FAM177A1: variants seen among roughly 807,000 people sequenced by gnomAD.
The protein encoded by FAM177A1 is protein FAM177A1.
In FAM177A1, 22 loss-of-function variants were observed where a neutral mutation model predicts 26.1. The ratio of observed to expected loss-of-function variants is 0.84; its 90% confidence interval spans 0.60 to 1.20. The LOEUF is 1.20. Among genes scored for constraint, FAM177A1 ranks in the 50% most tolerant of loss-of-function variants. The probability of loss-of-function intolerance (pLI) is 0.00; values close to 1 mark genes in which losing one functional copy is unlikely to be tolerated. For missense variants in FAM177A1, 296 were observed against 291.1 expected (o/e 1.02, Z -0.12); for synonymous variants, 95 against 99.3 (o/e 0.96, Z 0.26).
At chr14:35,076,330 A>G (rs1348984948) in intron 2 of FAM177A1, among the ~76,000 whole-genome samples, 1 of 152,120 alleles carries the variant, frequency 6.6e-6, no homozygotes, top group African/African-American at 2.4e-5. Flanking sequence ...TTCTGAGGAA[A>G]CTATTGCAAG....
intron 2 of FAM177A1, among the ~76,000 whole-genome samples, chr14:35,068,319 C>T (rs1466981599): frequency 2.6e-5 from 4 of 152,218 alleles, no homozygotes; most frequent in African/African-American, 9.6e-5. Context: ...TTCTAATCAC[C>T]ATATCCTTTC....
At chr14:35,059,699 A>T (rs775088029) in intron 2 of FAM177A1, among the ~76,000 whole-genome samples, 6 of 151,368 alleles carry the variant, frequency 4.0e-5, no homozygotes, top group Admixed American at 1.3e-4. Flanking sequence ...ACGTCCTGCT[A>T]ATTTTTGTAT....
chr14:35,050,921 C>G (rs77772792), intron 1 of FAM177A1: 38,847 of 151,802 alleles, frequency 0.26, 5,169 homozygotes, highest in East Asian at 0.37. Context: ...ATTGGTGGGG[C>G]TTGGGGGTAG....
rs2045474094 is a variant in FAM177A1, at chr14:35,081,018, T to A, written c.505-4T>A. 1 of 1,599,324 alleles carries A rather than the reference T, an allele frequency of 6.3e-7. No homozygotes were observed. The highest frequency in any genetic ancestry group is 8.5e-7 in the Non-Finnish European group (1 of 1,173,282). ...CTATTCTTGATATTGCTCCTTTTTT[T>A]TAGGAAGAAGAAGAAGAAGAAGAAA... On this transcript the variant is annotated splice_polypyrimidine_tract_variant and splice_region_variant and intron_variant, in intron 4 of 4. Transcript: ENST00000280987.
At chr14:35,068,192 G>T (rs537305826) in intron 2 of FAM177A1, among the ~76,000 whole-genome samples, 17 of 152,284 alleles carry the variant, frequency 1.1e-4, no homozygotes, top group African/African-American at 3.8e-4. Flanking sequence ...TCCATCGGTG[G>T]CAGTAAATAG....
chr14:35,067,906 T>C (rs952949170), intron 2 of FAM177A1, among the ~76,000 whole-genome samples: 11 of 152,210 alleles, frequency 7.2e-5, no homozygotes, highest in African/African-American at 2.7e-4. Context: ...TTAAGTTCTT[T>C]ACATATTTTG....
rs2045436211 is a variant in FAM177A1 at position 35,078,871 on chromosome 14, A to G, written c.407-56A>G. 6.3e-6 allele frequency: 8 copies of G among 1,268,440 alleles called. No homozygotes were observed. In the East Asian group the frequency reaches 1.4e-4, roughly 22 times the overall value. 78.6% of individuals were successfully genotyped at this position (1,268,440 alleles called of 1,614,324 possible). A position where few individuals can be genotyped will look rare whatever the true frequency, so the allele number is the denominator to read the frequency against. On this transcript the variant is annotated intron_variant, in intron 3 of 4. Coordinates refer to ENST00000280987, the MANE Select transcript of FAM177A1 (RefSeq NM_173607.5). ...TTCCTACAGTGTCTTACACATAGAAAGTGCTCAAGAAATGTTTATAGAATT... is the reference window on the plus strand; with the variant it reads ...TTCCTACAGTGTCTTACACATAGAAGGTGCTCAAGAAATGTTTATAGAATT...
chr14:35,059,639 T>G (rs2045118917), intron 2 of FAM177A1, among the ~76,000 whole-genome samples: 1 of 150,884 alleles, frequency 6.6e-6, no homozygotes, highest in Non-Finnish European at 1.5e-5. Context: ...GGTTGGGTGA[T>G]TCTCCTGCCT....
intron 1 of FAM177A1, among the ~76,000 whole-genome samples, chr14:35,051,912 T>A (rs2044977864): frequency 6.6e-6 from 1 of 152,238 alleles, no homozygotes; most frequent in Non-Finnish European, 1.5e-5. Flanking sequence ...TAATCCTTTT[T>A]TTGCAATAGC....
intron 2 of FAM177A1, among the ~76,000 whole-genome samples, chr14:35,075,107 A>T (rs1399746793): frequency 6.6e-6 from 1 of 152,178 alleles, no homozygotes; most frequent in African/African-American, 2.4e-5. Flanking sequence ...TTTTCTTTGG[A>T]TAAACGTATT....
chr14:35,071,240 AC>A (rs1227462681), intron 2 of FAM177A1, among the ~76,000 whole-genome samples: 1 of 150,194 alleles, frequency 6.7e-6, no homozygotes, highest in Non-Finnish European at 1.5e-5. Context: ...CTCGTGATCC[AC>A]CCTCCTCGGC....
rs969625830 is a variant in FAM177A1 at position 35,061,662 on chromosome 14, T to A, written c.339+8211T>A. On this transcript the variant is annotated intron_variant, in intron 2 of 4. Coordinates refer to ENST00000280987, the MANE Select transcript of FAM177A1 (RefSeq NM_173607.5). ...CAGCATTAGGAGATATACCTAATGC[T>A]AAATGACAAGTTAATGGGTGCAGCA... Among the ~76,000 whole-genome samples, 26 of 148,830 alleles carry A rather than the reference T, an allele frequency of 1.7e-4. No individual in the cohort carries two copies. The South Asian group carries it at 1.8e-3, about 10-fold the overall frequency.
chr14:35,052,923 G>GA (rs1012025894), intron 1 of FAM177A1, among the ~76,000 whole-genome samples: 9 of 151,202 alleles, frequency 6.0e-5, no homozygotes, highest in Non-Finnish European at 1.0e-4. Context: ...CTGTCTGGGG[G>GA]AAAAAAAAAT....
At chr14:35,059,615 A>G (rs1480249715) in intron 2 of FAM177A1, among the ~76,000 whole-genome samples, 1 of 148,960 alleles carries the variant, frequency 6.7e-6, no homozygotes, top group Admixed American at 6.7e-5. Flanking sequence ...GCTCACTGCA[A>G]CCTCTGCCTC....
At chr14:35,051,438 A>T (rs1205438046) in intron 1 of FAM177A1, among the ~76,000 whole-genome samples, 2 of 151,904 alleles carry the variant, frequency 1.3e-5, no homozygotes, top group Admixed American at 6.6e-5. Context: ...TTTTTGAGAC[A>T]GTCTGGCTCT....
intron 1 of FAM177A1, 72 bp downstream of exon 1, chr14:35,046,700 T>C (rs1209626704): frequency 1.4e-6 from 2 of 1,467,692 alleles, no homozygotes; most frequent in Non-Finnish European, 1.8e-6. Flanking sequence ...GGCCGCTCTT[T>C]TAGCCTGCGC....
chr14:35,080,025 C>G (rs2045455079), intron 4 of FAM177A1, among the ~76,000 whole-genome samples: 1 of 141,592 alleles, frequency 7.1e-6, no homozygotes, highest in African/African-American at 2.6e-5. Flanking sequence ...ATTACCTCAT[C>G]TGGGCTATTA....
chr14:35,070,105 A>ACTCTGTC (rs2045295678), intron 2 of FAM177A1, among the ~76,000 whole-genome samples: 1 of 107,280 alleles, frequency 9.3e-6, no homozygotes, highest in Non-Finnish European at 1.8e-5. Context: ...ACAGAGTGAG[A>ACTCTGTC]CTCTGTCTCA....
rs2045491547 is a variant in FAM177A1, at chr14:35,081,992, T to G, written c.*764T>G. The G allele has an allele frequency of 6.6e-6, 1 of 152,168 alleles. No individual in the cohort carries two copies. Among genetic ancestry groups the G allele is most frequent in the Non-Finnish European group, 1.5e-5 (1 of 68,056 alleles). The allele number at this position is 152,168 out of a possible 1,614,324, so 9.4% of individuals were successfully genotyped here. A position where few individuals can be genotyped will look rare whatever the true frequency, so the allele number is the denominator to read the frequency against. ...GCGTTAATCCTATAGAAAAGTGGTT[T>G]GGAGGGGATTGGGGGATAGTGGGAC... is the stretch of plus-strand genomic sequence containing the variant. On this transcript the variant is annotated 3_prime_UTR_variant, in exon 5 of 5. Coordinates refer to ENST00000280987, the MANE Select transcript of FAM177A1 (RefSeq NM_173607.5).
Sources: gnomAD v4.1 joint callset for allele counts (sites outside exome capture counted in the v4.1 genomes callset) on GRCh38, gnomAD v4.1.1 for gene constraint, MANE v1.5 for transcripts, NCBI Gene and HGNC (gene_info 2026-07-23, HGNC 2026-07-21) for gene names.